FSIP1: variants seen among roughly 807,000 people sequenced by gnomAD.
The protein encoded by FSIP1 is fibrous sheath-interacting protein 1.
In FSIP1, 65 loss-of-function variants were observed where a neutral mutation model predicts 60.9. That is an observed-to-expected ratio of 1.07 (90% CI 0.87 to 1.31). The LOEUF is 1.31. Among genes scored for constraint, FSIP1 ranks in the 40% most tolerant of loss-of-function variants. The pLI, the probability that FSIP1 is intolerant of heterozygous loss-of-function variation, is 0.00. For missense variants in FSIP1, 675 were observed against 665.5 expected (o/e 1.01, Z -0.16); for synonymous variants, 209 against 221.2 (o/e 0.94, Z 0.49).
At chr15:39,722,838 G>A (rs1169528383) in intron 9 of FSIP1, among the ~76,000 whole-genome samples, 1 of 152,066 alleles carries the variant, frequency 6.6e-6, no homozygotes, top group Non-Finnish European at 1.5e-5. Flanking sequence ...GGTGAGGTTG[G>A]AGGATCACTT....
intron 9 of FSIP1, among the ~76,000 whole-genome samples, chr15:39,721,670 G>A (rs1006865237): frequency 7.9e-5 from 12 of 152,228 alleles, no homozygotes; most frequent in Non-Finnish European, 1.5e-4. Context: ...ATAAATGCAT[G>A]AAGTGGGCCT....
Position 39,621,042 on chromosome 15 carries a change from A to G in FSIP1, c.1189-2797T>C, listed in dbSNP as rs1384899210. Among the ~76,000 whole-genome samples the G allele has an allele frequency of 4.0e-5, 6 of 149,168 alleles. No homozygotes were observed. In the East Asian group the frequency reaches 1.2e-3, roughly 29 times the overall value. On this transcript the variant is annotated intron_variant, in intron 10 of 11. Coordinates refer to ENST00000350221, the MANE Select transcript of FSIP1 (RefSeq NM_152597.5). ...GAAATTTATATAATCTTGAAGCAAG[A>G]GAAGGGCATTTCTTAAAAAAAAAAA... is the stretch of plus-strand genomic sequence containing the variant.
chr15:39,733,250 C>CA (rs1295194246), intron 8 of FSIP1, among the ~76,000 whole-genome samples: 1 of 152,290 alleles, frequency 6.6e-6, no homozygotes, highest in Admixed American at 6.5e-5. Flanking sequence ...AGGGTTATCT[C>CA]AAACTCCTAG....
rs58368477 is a variant in FSIP1 at position 39,611,290 on chromosome 15, C to A, written c.1699+6445G>T. Among the ~76,000 whole-genome samples, 753 of 152,012 alleles carry A rather than the reference C, an allele frequency of 5.0e-3. 9 individuals are homozygous for A. Among genetic ancestry groups the A allele is most frequent in the African/African-American group, 0.017 (706 of 41,450 alleles). The stretch of plus-strand genomic sequence containing the variant: ...ATAAAAGTTATCAGCTTAAAATAGC[C>A]TGTTATAATAAGATATTTTGTTGTT... On this transcript the variant is annotated intron_variant, in intron 11 of 11. Coordinates refer to ENST00000350221, the MANE Select transcript of FSIP1 (RefSeq NM_152597.5).
In FSIP1 at chr15:39,739,520, AG is replaced by A. The variant is rs1896732748; in HGVS notation, c.780+144del. ...AAATAATGAAGTACTGGTTCATAAA[AG>A]TTTTCTTTCATTATATCTACTAATT... On this transcript the variant is annotated intron_variant, in intron 7 of 11. Coordinates refer to ENST00000350221, the MANE Select transcript of FSIP1 (RefSeq NM_152597.5). 11 of 695,296 alleles carry A rather than the reference AG, an allele frequency of 1.6e-5. No individual in the cohort carries two copies. In the East Asian group the frequency reaches 3.1e-4, roughly 20 times the overall value. The allele number at this position is 695,296 out of a possible 1,614,324, so 43.1% of individuals were successfully genotyped here. A position where few individuals can be genotyped will look rare whatever the true frequency, so the allele number is the denominator to read the frequency against.
intron 9 of FSIP1, among the ~76,000 whole-genome samples, chr15:39,720,954 C>T (rs767856211): frequency 3.9e-5 from 6 of 152,170 alleles, no homozygotes; most frequent in Admixed American, 6.5e-5. Flanking sequence ...CAGTAATATG[C>T]CATTCTTTCT....
intron 10 of FSIP1, among the ~76,000 whole-genome samples, chr15:39,686,661 T>A (rs1434476456): frequency 6.6e-6 from 1 of 152,256 alleles, no homozygotes; most frequent in African/African-American, 2.4e-5. Flanking sequence ...TGTCAAGTAA[T>A]CCTGCAGACT....
intron 10 of FSIP1, among the ~76,000 whole-genome samples, chr15:39,619,411 C>T (rs772722684): frequency 2.6e-4 from 40 of 152,120 alleles, no homozygotes; most frequent in South Asian, 1.0e-3. Context: ...GAAATATATT[C>T]TTAGTAATTA....
chr15:39,605,496 G>A (rs368484597), intron 11 of FSIP1, among the ~76,000 whole-genome samples: 4 of 152,152 alleles, frequency 2.6e-5, no homozygotes, highest in African/African-American at 9.7e-5. Flanking sequence ...GGCCCTTAGG[G>A]GCCCTGCATC....
At position 39,649,178 on chromosome 15, in the gene FSIP1, T is replaced by G. The variant is rs570113259; in HGVS notation, c.1189-30933A>C. 5.8e-4 allele frequency among the ~76,000 whole-genome samples: 89 copies of G among 152,316 alleles called. 1 individual carries two copies. Among genetic ancestry groups the G allele is most frequent in the African/African-American group, 2.1e-3 (87 of 41,570 alleles). ...GAGTTTTCAGCTGGAATAAGATGTA[T>G]AAGGATAAATTATGTTTATTCACAT... On this transcript the variant is annotated intron_variant, in intron 10 of 11. Transcript: ENST00000350221.
At chr15:39,654,293 C>T (rs1892987337) in intron 10 of FSIP1, among the ~76,000 whole-genome samples, 1 of 152,194 alleles carries the variant, frequency 6.6e-6, no homozygotes, top group Admixed American at 6.5e-5. Context: ...TACTTTTATA[C>T]GAATGACAGC....
intron 10 of FSIP1, among the ~76,000 whole-genome samples, chr15:39,659,151 T>C (rs1893188238): frequency 6.6e-6 from 1 of 152,036 alleles, no homozygotes; most frequent in Admixed American, 6.6e-5. Context: ...TGCCATGAAA[T>C]GGGGAGTGAC....
intron 10 of FSIP1, among the ~76,000 whole-genome samples, chr15:39,636,357 A>G (rs1187432371): frequency 2.0e-5 from 3 of 152,196 alleles, no homozygotes; most frequent in African/African-American, 7.2e-5. Flanking sequence ...ATCAATTGGG[A>G]AAGTCTTGCA....
chr15:39,694,803 A>G (rs750610393), intron 10 of FSIP1, among the ~76,000 whole-genome samples: 2 of 151,994 alleles, frequency 1.3e-5, no homozygotes, highest in Non-Finnish European at 2.9e-5. Flanking sequence ...AAAAATAAAC[A>G]AACAAATAAA....
chr15:39,697,650 T>C (rs1894875770), intron 10 of FSIP1, among the ~76,000 whole-genome samples: 1 of 152,120 alleles, frequency 6.6e-6, no homozygotes, highest in Non-Finnish European at 1.5e-5. Flanking sequence ...AACAGAAAAA[T>C]AATAAAACAA....
intron 10 of FSIP1, among the ~76,000 whole-genome samples, chr15:39,636,847 T>C (rs772584859): frequency 2.6e-5 from 4 of 152,252 alleles, no homozygotes; most frequent in Non-Finnish European, 5.9e-5. Flanking sequence ...TTTAGTGTAC[T>C]CGTAGAAAGT....
At position 39,726,744 on chromosome 15, in the gene FSIP1, C is replaced by A. The variant is rs765118693; in HGVS notation, c.895G>T (p.Asp299Tyr). Residue 299 changes from aspartate (D) to tyrosine (Y), a missense_variant, in exon 9 of 12, where the codon GAT (aspartate) becomes TAT (tyrosine). By Grantham distance (160) the Asp-to-Tyr change is radical. Coordinates refer to ENST00000350221, the MANE Select transcript of FSIP1 (RefSeq NM_152597.5). ...KDSGLSSSEG[D>Y]QSGWVVPVKG... ...ACTGGGACCACCCAGCCAGACTGAT[C>A]ACCCTAAGAGGAAACAAGGGTCACC... The A allele has an allele frequency of 1.5e-5, 25 of 1,613,734 alleles. No individual in the cohort carries two copies. Among genetic ancestry groups the A allele is most frequent in the Non-Finnish European group, 2.1e-5 (25 of 1,179,930 alleles).
intron 10 of FSIP1, among the ~76,000 whole-genome samples, chr15:39,621,185 T>C (rs1891429873): frequency 6.6e-6 from 1 of 152,202 alleles, no homozygotes; most frequent in African/African-American, 2.4e-5. Context: ...AGTCCATTTC[T>C]TACAGTATCT....
chr15:39,646,627 T>C (rs1211731976), intron 10 of FSIP1, among the ~76,000 whole-genome samples: 1 of 150,560 alleles, frequency 6.6e-6, no homozygotes, highest in Non-Finnish European at 1.5e-5. Flanking sequence ...CCCAGGAGTT[T>C]GAGCTTTACA....
Sources: allele counts gnomAD v4.1 joint callset (sites outside exome capture counted in the v4.1 genomes callset), GRCh38; gene constraint gnomAD v4.1.1; transcripts MANE v1.5; gene names NCBI Gene and HGNC (gene_info 2026-07-23, HGNC 2026-07-21).